The following ELOVL2 variants were observed in gnomAD, a reference collection of about 807,000 sequenced individuals.
ELOVL2 encodes very long chain fatty acid elongase 2.
Under a neutral mutation model 37.7 loss-of-function variants are expected in ELOVL2, and 38 were observed. That is an observed-to-expected ratio of 1.01 (90% confidence interval 0.78 to 1.32). The LOEUF (loss-of-function observed/expected upper bound fraction) is 1.32. Among genes scored for constraint, ELOVL2 ranks in the 40% most tolerant of loss-of-function variants. The pLI, the probability that ELOVL2 is intolerant of heterozygous loss-of-function variation, is 0.00. For synonymous variants in ELOVL2, 115 were observed against 122.3 expected, an observed-to-expected ratio of 0.94 and a Z score of 0.40; for missense variants, 352 against 363.6, an observed-to-expected ratio of 0.97 and a Z score of 0.26.
chr6:10,990,492 A>C lies in ELOVL2; in HGVS notation c.506-50T>G, dbSNP rs79799512. On this transcript the variant is annotated intron_variant, in intron 5 of 7. Coordinates refer to ENST00000354666, the MANE Select transcript of ELOVL2 (RefSeq NM_017770.4). ...ACTATTCTTCCAGGAAGGACTGTTC[A>C]TTCTTCTTTGTCAAGTGAGATTCTC... The C allele has an allele frequency of 4.5e-3, 6,773 of 1,512,916 alleles. 264 individuals carry two copies. In the African/African-American group the frequency reaches 0.085, roughly 19 times the overall value. The allele number at this position is 1,512,916 out of a possible 1,614,324, so 93.7% of individuals were successfully genotyped here. A position where few individuals can be genotyped will look rare whatever the true frequency, so the allele number is the denominator to read the frequency against.
At chr6:10,988,653 A>AAAT (rs1355845925) in intron 7 of ELOVL2, among the ~76,000 whole-genome samples, 1 of 152,266 alleles carries the variant, frequency 6.6e-6, no homozygotes, top group Non-Finnish European at 1.5e-5. Context: ...AGTCTGAAAA[A>AAAT]AATACAGTTG....
At chr6:11,029,926 C>A (rs748797917) in intron 1 of ELOVL2, among the ~76,000 whole-genome samples, 4 of 152,118 alleles carry the variant, frequency 2.6e-5, no homozygotes, top group Non-Finnish European at 5.9e-5. Flanking sequence ...TGCTCACTGC[C>A]CAGCTTGCCT....
At chr6:11,039,235 G>A (rs1477702929) in intron 1 of ELOVL2, among the ~76,000 whole-genome samples, 1 of 152,210 alleles carries the variant, frequency 6.6e-6, no homozygotes, top group Non-Finnish European at 1.5e-5. Context: ...GCAAGGGAAT[G>A]GAGCTAGTAA....
chr6:11,010,832 AT>A lies in ELOVL2; in HGVS notation c.4-24del, dbSNP rs1195623751. 3.8e-6 allele frequency: 6 copies of A among 1,580,398 alleles called. No homozygotes were observed. In the African/African-American group the frequency reaches 8.2e-5, roughly 22 times the overall value. Reference sequence around the variant, plus strand: ...TTCCTAAAAAGAGAAAGAAAAAATGATTTAAGTGTTTTTTTCTTCTTTTTTT... The same window carrying A: ...TTCCTAAAAAGAGAAAGAAAAAATGATTAAGTGTTTTTTTCTTCTTTTTTT... On this transcript the variant is annotated intron_variant, in intron 1 of 7. Transcript: ENST00000354666.
At chr6:11,003,666 A>G (rs1782428891) in intron 3 of ELOVL2, among the ~76,000 whole-genome samples, 1 of 152,228 alleles carries the variant, frequency 6.6e-6, no homozygotes, top group African/African-American at 2.4e-5. Context: ...AGAGAAACGA[A>G]TCCCATAAAT....
At position 10,995,395 on chromosome 6, in the gene ELOVL2, G is replaced by A. The variant is rs140274655; in HGVS notation, c.334-217C>T. The stretch of plus-strand genomic sequence containing the variant: ...GATGAGTTATTTTTCCAGAACACAT[G>A]TGTGATCACGTTCCTCCTCTGCATC... On this transcript the variant is annotated intron_variant, in intron 4 of 7. Transcript: ENST00000354666. Among the ~76,000 whole-genome samples, 455 of 146,654 alleles carry A rather than the reference G, an allele frequency of 3.1e-3. 3 individuals are homozygous for A. The highest frequency in any genetic ancestry group is 0.022 in the South Asian group (100 of 4,472).
chr6:11,043,611 T>C (rs879497984), intron 1 of ELOVL2: 3 of 152,228 alleles, frequency 2.0e-5, no homozygotes, highest in Non-Finnish European at 2.9e-5. Context: ...CAGACACTGA[T>C]AGAAACCCAG....
rs761238962 is a variant in ELOVL2 at position 10,983,916 on chromosome 6, G to A, written c.766-10C>T. ...GCTTTTTTCGGTATGTCTGTTGGAT[G>A]TGTATATTTTGAAGAGAAAAATAAA... is the stretch of plus-strand genomic sequence containing the variant. On this transcript the variant is annotated splice_polypyrimidine_tract_variant and intron_variant, in intron 7 of 7. Coordinates refer to ENST00000354666, the MANE Select transcript of ELOVL2 (RefSeq NM_017770.4). 1.9e-6 allele frequency: 3 copies of A among 1,601,434 alleles called. No homozygotes were observed. The highest frequency in any genetic ancestry group is 2.2e-5 in the East Asian group (1 of 44,780).
chr6:10,990,640 G>T (rs1400787779), intron 5 of ELOVL2, among the ~76,000 whole-genome samples, 198 bp from the exon 6 acceptor site: 2 of 149,308 alleles, frequency 1.3e-5, no homozygotes, highest in Admixed American at 6.8e-5. Flanking sequence ...ATGATAGAAG[G>T]AGTAGCCTGG....
intron 1 of ELOVL2, among the ~76,000 whole-genome samples, chr6:11,041,680 C>T (rs1783099846): frequency 2.0e-5 from 3 of 152,098 alleles, no homozygotes; most frequent in African/African-American, 7.2e-5. Context: ...AAGATGGTAA[C>T]CACAGAACTG....
intron 1 of ELOVL2, among the ~76,000 whole-genome samples, chr6:11,029,184 C>T (rs1476876333): frequency 3.5e-5 from 5 of 141,034 alleles, no homozygotes; most frequent in Admixed American, 3.0e-4. Flanking sequence ...GACAAGATCG[C>T]GCCACTGCAC....
At chr6:11,027,578 C>T (rs1340524136) in intron 1 of ELOVL2, among the ~76,000 whole-genome samples, 1 of 152,168 alleles carries the variant, frequency 6.6e-6, no homozygotes, top group Non-Finnish European at 1.5e-5. Context: ...CAACTGTTAC[C>T]CATAAATCCT....
At chr6:11,031,345 C>T (rs1782927249) in intron 1 of ELOVL2, among the ~76,000 whole-genome samples, 1 of 152,170 alleles carries the variant, frequency 6.6e-6, no homozygotes, top group African/African-American at 2.4e-5. Flanking sequence ...TTGAAAACTA[C>T]CACAAAGCTC....
At chr6:11,012,056 G>A (rs1421980433) in intron 1 of ELOVL2, among the ~76,000 whole-genome samples, 2 of 152,094 alleles carry the variant, frequency 1.3e-5, no homozygotes, top group African/African-American at 2.4e-5. Context: ...AAAGAGGAGC[G>A]GCATGTTTGC....
rs537003528 is a variant in ELOVL2, at chr6:10,990,203, G to GA, written c.630+114dup. The GA allele has an allele frequency of 2.5e-4, 342 of 1,360,304 alleles. 1 individual carries two copies. In the African/African-American group the frequency reaches 3.1e-3, roughly 12 times the overall value. The allele number at this position is 1,360,304 out of a possible 1,614,324, so 84.3% of individuals were successfully genotyped here. A position where few individuals can be genotyped will look rare whatever the true frequency, so the allele number is the denominator to read the frequency against. On this transcript the variant is annotated intron_variant, in intron 6 of 7. Transcript: ENST00000354666. ...TTTAATTCTTAAAAGGCCAATTTTG[G>GA]AAAAAAAATGGGCAGCCTCATCACA...
intron 1 of ELOVL2, among the ~76,000 whole-genome samples, chr6:11,027,345 G>C (rs780589697): frequency 1.2e-4 from 19 of 152,066 alleles, no homozygotes; most frequent in Admixed American, 4.6e-4. Context: ...CCTCAGATGA[G>C]TAGGAGCAGC....
intron 1 of ELOVL2, among the ~76,000 whole-genome samples, chr6:11,031,265 T>C (rs556182826): frequency 6.6e-6 from 1 of 152,240 alleles, no homozygotes; most frequent in Non-Finnish European, 1.5e-5. Flanking sequence ...AATCTCCTTA[T>C]GTTTATTAAT....
intron 7 of ELOVL2, among the ~76,000 whole-genome samples, chr6:10,984,629 C>T (rs866439222): frequency 8.0e-5 from 12 of 149,074 alleles, no homozygotes; most frequent in East Asian, 2.0e-4. Context: ...TTTGTTCTTG[C>T]GATAGTTTAC....
chr6:10,992,221 T>C (rs1023739123), intron 5 of ELOVL2, among the ~76,000 whole-genome samples: 1 of 152,204 alleles, frequency 6.6e-6, no homozygotes, highest in African/African-American at 2.4e-5. Context: ...TAGTGTTCAT[T>C]TGTACCTTCA....
Sources: allele counts gnomAD v4.1 joint callset (sites outside exome capture counted in the v4.1 genomes callset), GRCh38; gene constraint gnomAD v4.1.1; transcripts MANE v1.5; gene names NCBI Gene and HGNC (gene_info 2026-07-23, HGNC 2026-07-21).